Variants in ACO2 observed in about 807,000 individuals in gnomAD.
ACO2 encodes aconitase 2.
ACO2 carries 31 observed loss-of-function variants against 84.5 expected under a neutral mutation model. The observed-to-expected ratio is 0.37, with a 90% CI of 0.28 to 0.50. ACO2 has a LOEUF of 0.50. ACO2 is among the 20% of genes least tolerant of loss of function. The pLI is 0.97. For synonymous variants in ACO2, 414 were observed against 412.7 expected (o/e 1.00, Z -0.04); for missense variants, 685 against 1,029.3 (o/e 0.67, Z 4.58).
chr22:41,510,879 A>C (rs578046411), intron 3 of ACO2, among the ~76,000 whole-genome samples: 2 of 152,188 alleles, frequency 1.3e-5, no homozygotes, highest in African/African-American at 2.4e-5. Context: ...ACAGCCTTCC[A>C]TTTGGGCCCA....
At chr22:41,524,651 G>A (rs948253253) in intron 12 of ACO2, among the ~76,000 whole-genome samples, 195 bp from the exon 13 acceptor site, 4 of 152,234 alleles carry the variant, frequency 2.6e-5, no homozygotes, top group African/African-American at 9.6e-5. Context: ...TTGGCTTCCT[G>A]AGTCCTCTGC....
Position 41,524,041 on chromosome 22 carries a change from G to A in ACO2, c.1482+100G>A, listed in dbSNP as rs578087586. On this transcript the variant is annotated intron_variant, in intron 12 of 17. Coordinates refer to ENST00000216254, the MANE Select transcript of ACO2 (RefSeq NM_001098.3). ...GGAGATGGGGACTGGGGTCATCCAA[G>A]TGGTAGCCAGGAGCTACAGGCCTTC... 4.1e-4 allele frequency: 423 copies of A among 1,035,948 alleles called. 1 individual carries two copies. The highest frequency in any genetic ancestry group is 3.5e-5 in the Non-Finnish European group (24 of 686,490). The allele number at this position is 1,035,948 out of a possible 1,614,324, so 64.2% of individuals were successfully genotyped here.
At position 41,520,255 on chromosome 22, in the gene ACO2, T is replaced by C; in HGVS notation, c.1117T>C (p.Trp373Arg). Residue 373 changes from tryptophan to arginine, a missense_variant, in exon 9 of 18, where the codon TGG (tryptophan) becomes CGG (arginine). Physicochemically the swap from Trp to Arg is moderately radical, Grantham distance 101. Around this residue, in one of 5 missense-constraint regions of ACO2, gnomAD observed 311 missense variants for 441.6 expected, o/e 0.70. Coordinates refer to ENST00000216254, the MANE Select transcript of ACO2 (RefSeq NM_001098.3). ...GGGCAAGGTGGCAGAGAAGGAAGGA[T>C]GGCCTCTGGACATCCGAGTGGGTGA... is the stretch of plus-strand genomic sequence containing the variant. ...EVGKVAEKEGWPLDIRVGLIG... is the reference protein window; with the variant it reads ...EVGKVAEKEGRPLDIRVGLIG... 1 of 1,614,032 alleles carries C rather than the reference T, an allele frequency of 6.2e-7. No individual in the cohort carries two copies. The highest frequency in any genetic ancestry group is 1.1e-5 in the South Asian group (1 of 91,080).
intron 7 of ACO2, 23 bp downstream of exon 7, chr22:41,517,654 G>A (rs762283798): frequency 1.4e-5 from 22 of 1,598,586 alleles, no homozygotes; most frequent in East Asian, 1.3e-4. Context: ...GGGCAGGCCC[G>A]TGTGGGTGGA....
chr22:41,517,533 C>T lies in ACO2; in HGVS notation c.842C>T (p.Ala281Val), dbSNP rs757644783. The change falls in exon 7 of 18, where the codon GCG becomes GTG. Residue 281 changes from alanine to valine, a missense_variant. Physicochemically the swap from Ala to Val is moderately conservative, Grantham distance 64 (BLOSUM62 0). This residue lies in a region of ACO2 where 311 missense variants were observed against 441.6 expected (regional missense o/e 0.70). Coordinates refer to ENST00000216254, the MANE Select transcript of ACO2 (RefSeq NM_001098.3). ...GVDSISCTGMATICNMGAEIG... is the reference protein window; with the variant it reads ...GVDSISCTGMVTICNMGAEIG... ...GGGCTCTGTTGCTCCACAGGCATGG[C>T]GACAATCTGCAACATGGGTGCAGAA... is the stretch of plus-strand genomic sequence containing the variant. 2.5e-6 allele frequency: 4 copies of T among 1,613,554 alleles called. No individual in the cohort carries two copies. The highest frequency in any genetic ancestry group is 2.5e-6 in the Non-Finnish European group (3 of 1,179,936).
chr22:41,518,652 A>G, intron 8 of ACO2, 80 bp downstream of exon 8: 1 of 1,118,256 alleles, frequency 8.9e-7, no homozygotes, highest in South Asian at 1.2e-5. Context: ...ATACTCACTG[A>G]GGGCCGGGTG....
intron 14 of ACO2, chr22:41,525,718 G>A (rs1369788343): frequency 1.1e-5 from 3 of 264,876 alleles, no homozygotes; most frequent in Non-Finnish European, 2.2e-5. Context: ...GGCTCTGGAA[G>A]CCATGGACAA....
At chr22:41,475,775 G>C (rs1408669306) in intron 1 of ACO2, among the ~76,000 whole-genome samples, 1 of 151,858 alleles carries the variant, frequency 6.6e-6, no homozygotes, top group Non-Finnish European at 1.5e-5. Context: ...GCGCATGCCT[G>C]TGATCCCAGC....
At chr22:41,496,381 A>G (rs1191179826) in intron 1 of ACO2, among the ~76,000 whole-genome samples, 1 of 142,972 alleles carries the variant, frequency 7.0e-6, no homozygotes, top group Non-Finnish European at 1.6e-5. Flanking sequence ...TGTGTAGAAC[A>G]TGGTGGGGGT....
At chr22:41,492,224 G>C (rs1254783512) in intron 1 of ACO2, among the ~76,000 whole-genome samples, 1 of 152,192 alleles carries the variant, frequency 6.6e-6, no homozygotes, top group Non-Finnish European at 1.5e-5. Context: ...AATACCCAAA[G>C]CTAGTCTTTT....
chr22:41,503,846 A>G (rs1167125377), intron 2 of ACO2, among the ~76,000 whole-genome samples: 1 of 152,178 alleles, frequency 6.6e-6, no homozygotes, highest in Non-Finnish European at 1.5e-5. Flanking sequence ...TCTGCGGCCC[A>G]AATAGGTTCA....
chr22:41,523,347 G>A, intron 11 of ACO2, 69 bp downstream of exon 11: 1 of 1,257,334 alleles, frequency 8.0e-7, no homozygotes, highest in East Asian at 2.4e-5. Context: ...AGTTGGAGGG[G>A]GAATTATTGG....
At chr22:41,522,139 G>A (rs1285994493) in intron 9 of ACO2, among the ~76,000 whole-genome samples, 1 of 152,152 alleles carries the variant, frequency 6.6e-6, no homozygotes, top group African/African-American at 2.4e-5. Flanking sequence ...GAGCAGCCTG[G>A]GCAACATGGT....
At chr22:41,478,249 T>G (rs1459757642) in intron 1 of ACO2, among the ~76,000 whole-genome samples, 1 of 152,080 alleles carries the variant, frequency 6.6e-6, no homozygotes, top group Non-Finnish European at 1.5e-5. Context: ...GCAGTTCTTT[T>G]GCCCCAGCCT....
In ACO2 at chr22:41,526,443, G is replaced by A. The variant is rs755695367; in HGVS notation, c.1943G>A (p.Arg648His). The A allele has an allele frequency of 1.9e-6, 3 of 1,612,224 alleles. No individual in the cohort carries two copies. The highest frequency in any genetic ancestry group is 1.1e-5 in the South Asian group (1 of 90,916). ...QEFGPVPDTARYYKKHGIRWV... is the reference protein window; with the variant it reads ...QEFGPVPDTAHYYKKHGIRWV... Reference sequence around the variant, plus strand: ...TTTGGCCCCGTCCCTGACACTGCCCGCTACTACAAGGTGGGTCAGAGTTGA... The same window carrying A: ...TTTGGCCCCGTCCCTGACACTGCCCACTACTACAAGGTGGGTCAGAGTTGA... Residue 648 changes from arginine (R) to histidine (H), a missense_variant, in exon 15 of 18, where the codon CGC becomes CAC. Physicochemically the swap from Arg to His is conservative, Grantham distance 29 (BLOSUM62 0). Coordinates refer to ENST00000216254, the MANE Select transcript of ACO2 (RefSeq NM_001098.3).
intron 16 of ACO2, 178 bp from the exon 17 acceptor site, chr22:41,527,723 C>A: frequency 9.7e-7 from 1 of 1,035,742 alleles, no homozygotes. Context: ...AGCACCAGCG[C>A]ACACTTGCTA....
intron 1 of ACO2, among the ~76,000 whole-genome samples, chr22:41,486,734 T>G (rs1271664900): frequency 6.6e-6 from 1 of 152,062 alleles, no homozygotes; most frequent in Non-Finnish European, 1.5e-5. Flanking sequence ...CCTCCCAAAG[T>G]GCTGGGATTA....
chr22:41,517,251 T>C, intron 6 of ACO2: 2 of 428,636 alleles, frequency 4.7e-6, no homozygotes, highest in East Asian at 4.7e-5. Context: ...CGCAGCTCAG[T>C]GTGTGGGGGC....
intron 1 of ACO2, among the ~76,000 whole-genome samples, chr22:41,475,952 C>T (rs1198916766): frequency 6.6e-6 from 1 of 151,396 alleles, no homozygotes; most frequent in Non-Finnish European, 1.5e-5. Flanking sequence ...GAGACTTCTG[C>T]CACTGGCTTA....
Sources: allele counts gnomAD v4.1 joint callset (sites outside exome capture counted in the v4.1 genomes callset), GRCh38; gene constraint gnomAD v4.1.1; regional missense constraint gnomAD v4.1.1; transcripts MANE v1.5; gene names NCBI Gene and HGNC (gene_info 2026-07-23, HGNC 2026-07-21).